SEPTIN9: variants seen among roughly 807,000 people sequenced by gnomAD.
The protein encoded by SEPTIN9 is septin 9.
Under a neutral mutation model 56.6 loss-of-function variants are expected in SEPTIN9, and 13 were observed. The ratio of observed to expected loss-of-function variants is 0.23; its 90% CI spans 0.15 to 0.37. The LOEUF (loss-of-function observed/expected upper bound fraction) is 0.37. Among genes scored for constraint, SEPTIN9 ranks in the 10% least tolerant of loss-of-function variants. The pLI, the probability that SEPTIN9 is intolerant of heterozygous loss-of-function variation, is 1.00. For missense variants in SEPTIN9, 650 were observed against 823.1 expected (o/e 0.79, Z 2.57); for synonymous variants, 332 against 334.1 (o/e 0.99, Z 0.07).
intron 2 of SEPTIN9, among the ~76,000 whole-genome samples, chr17:77,356,665 T>TCCCTCCCCTCC (rs2034254266): frequency 1.9e-5 from 1 of 52,394 alleles, no homozygotes; most frequent in African/African-American, 8.5e-5. Flanking sequence ...CTTCCTGCTT[T>TCCCTCCCCTCC]CCCTCCCCCT....
At chr17:77,430,781 A>G (rs563099353) in intron 3 of SEPTIN9, among the ~76,000 whole-genome samples, 1 of 152,186 alleles carries the variant, frequency 6.6e-6, no homozygotes, top group African/African-American at 2.4e-5. Context: ...CCTTAAGGTC[A>G]GGAGTTCAAG....
rs1313854136 is a variant in SEPTIN9 at position 77,429,070 on chromosome 17, C to CTGCTCCTGGTTGCAGA, written c.721+26369_721+26370insCTCCTGGTTGCAGATG. 2.1e-6 allele frequency: 1 copy of CTGCTCCTGGTTGCAGA among 471,644 alleles called. No homozygotes were observed. The highest frequency in any genetic ancestry group is 4.4e-6 in the Non-Finnish European group (1 of 227,164). The allele number at this position is 471,644 out of a possible 1,614,324, so 29.2% of individuals were successfully genotyped here. A position where few individuals can be genotyped will look rare whatever the true frequency, so the allele number is the denominator to read the frequency against. ...CCCCTGCTCCTGGTTGCAGATGTAC[C>CTGCTCCTGGTTGCAGA]TGTTCTTGGCTATTTGTGCCCCAGC... On this transcript the variant is annotated intron_variant, in intron 3 of 11. Transcript: ENST00000427177. This position sits in a 1 kb window ranked among gnomAD's most constrained non-coding sequence, Gnocchi z 5.2.
intron 3 of SEPTIN9, among the ~76,000 whole-genome samples, chr17:77,415,903 G>A (rs770319918): frequency 1.5e-4 from 23 of 152,262 alleles, no homozygotes; most frequent in Non-Finnish European, 2.9e-4. Flanking sequence ...GAGCAGGGCC[G>A]GCTGGGGCAA....
chr17:77,446,857 C>T (rs1166863940), intron 3 of SEPTIN9: 2 of 167,020 alleles, frequency 1.2e-5, no homozygotes, highest in Non-Finnish European at 2.9e-5. Context: ...AACAAACTGG[C>T]TCAAGGGGAA....
Position 77,482,334 on chromosome 17 carries a change from C to G in SEPTIN9, c.912C>G (p.Val304=), listed in dbSNP as rs187657144. The G allele has an allele frequency of 1.9e-6, 3 of 1,611,562 alleles. No homozygotes were observed. The African/African-American group carries it at 4.0e-5, about 22-fold the overall frequency. The change falls in exon 4 of 12, where the codon GTC becomes GTG. Residue 304 remains valine (V), a splice_region_variant and synonymous_variant. Transcript: ENST00000427177. ...KQGFEFNIMV[V]GQSGLGKSTL... ...GCTTCGAGTTCAACATCATGGTGGT[C>G]GGTGAGTCCTCACCTTGCATGCCAC...
rs2038187032 is a variant in SEPTIN9, at chr17:77,456,032, G to T, written c.722-26112G>T. Among the ~76,000 whole-genome samples the T allele has an allele frequency of 6.6e-6, 1 of 152,228 alleles. No individual in the cohort carries two copies. ...CGCTTCCCATGCGCCACGTGACTAG[G>T]AGGGTCTTGGGGCAGGATGGTGTCT... On this transcript the variant is annotated intron_variant, in intron 3 of 11. Coordinates refer to ENST00000427177, the MANE Select transcript of SEPTIN9 (RefSeq NM_001113491.2). The surrounding 1 kb of genome is among the most constrained non-coding windows in gnomAD (Gnocchi z 6.0).
chr17:77,381,708 T>C (rs1031714826), intron 2 of SEPTIN9, among the ~76,000 whole-genome samples: 1 of 152,224 alleles, frequency 6.6e-6, no homozygotes. Context: ...CTGGAATCCC[T>C]GGTGCAGACT....
intron 3 of SEPTIN9, among the ~76,000 whole-genome samples, chr17:77,465,222 G>T (rs2038662927): frequency 6.6e-6 from 1 of 152,212 alleles, no homozygotes; most frequent in African/African-American, 2.4e-5. Flanking sequence ...AGACCACACT[G>T]TGTATCTCTT....
At chr17:77,411,087 G>GAA (rs34737205) in intron 3 of SEPTIN9, among the ~76,000 whole-genome samples, 4,072 of 132,688 alleles carry the variant, frequency 0.031, 201 homozygotes, top group African/African-American at 0.1. Context: ...TCCCATCTGG[G>GAA]AAAAAAAAAA....
chr17:77,436,893 G>A lies in SEPTIN9; in HGVS notation c.721+34190G>A, dbSNP rs148181170. 3.3e-5 allele frequency among the ~76,000 whole-genome samples: 5 copies of A among 152,370 alleles called. No homozygotes were observed. In the East Asian group the frequency reaches 5.8e-4, roughly 18 times the overall value. On this transcript the variant is annotated intron_variant, in intron 3 of 11. Coordinates refer to ENST00000427177, the MANE Select transcript of SEPTIN9 (RefSeq NM_001113491.2). This position sits in a 1 kb window ranked among gnomAD's most constrained non-coding sequence, Gnocchi z 4.4. The stretch of plus-strand genomic sequence containing the variant: ...AGTGTTTCTCAGGCAGGAGGGTGCC[G>A]AAGCATTGGGAAGCTGGGATTTAGA...
In SEPTIN9 at chr17:77,327,371, T is replaced by A. The variant is rs559915583; in HGVS notation, c.76+20174T>A. On this transcript the variant is annotated intron_variant, in intron 2 of 11. Coordinates refer to ENST00000427177, the MANE Select transcript of SEPTIN9 (RefSeq NM_001113491.2). This position sits in a 1 kb window ranked among gnomAD's most constrained non-coding sequence, Gnocchi z 5.0. ...GGCCAGAGCTTCTGAAGCCGCTCGC[T>A]GTGTGCCCCCGCCTGGCCCCATGCA... is the stretch of plus-strand genomic sequence containing the variant. Among the ~76,000 whole-genome samples, 10 of 152,264 alleles carry A rather than the reference T, an allele frequency of 6.6e-5. No homozygotes were observed. The South Asian group carries it at 1.9e-3, about 28-fold the overall frequency.
At chr17:77,366,024 G>A (rs1291140951) in intron 2 of SEPTIN9, among the ~76,000 whole-genome samples, 1 of 152,094 alleles carries the variant, frequency 6.6e-6, no homozygotes, top group Non-Finnish European at 1.5e-5. Flanking sequence ...AGGACACCAA[G>A]GGCCCCAGGG....
At position 77,492,143 on chromosome 17, in the gene SEPTIN9, G is replaced by T. The variant is rs1351326410; in HGVS notation, c.1381-478G>T. Among the ~76,000 whole-genome samples the T allele has an allele frequency of 2.0e-5, 3 of 152,344 alleles. No homozygotes were observed. The South Asian group carries it at 6.2e-4, about 32-fold the overall frequency. Reference sequence around the variant, plus strand: ...GTGTGTCTGCCGGAGGCTACACACGGGCTGTGGTCTGTGCCTGGGCAGGCG... The same window carrying T: ...GTGTGTCTGCCGGAGGCTACACACGTGCTGTGGTCTGTGCCTGGGCAGGCG... On this transcript the variant is annotated intron_variant, in intron 8 of 11. Transcript: ENST00000427177. This position sits in a 1 kb window ranked among gnomAD's most constrained non-coding sequence, Gnocchi z 5.4.
At chr17:77,370,385 T>A (rs992488613) in intron 2 of SEPTIN9, among the ~76,000 whole-genome samples, 2 of 152,248 alleles carry the variant, frequency 1.3e-5, no homozygotes, top group African/African-American at 4.8e-5. Flanking sequence ...CTCTGTACTT[T>A]CTTTTCTGTC....
chr17:77,312,275 C>T (rs921475701), intron 2 of SEPTIN9, among the ~76,000 whole-genome samples: 21 of 152,176 alleles, frequency 1.4e-4, no homozygotes, highest in Admixed American at 9.2e-4. Context: ...CGATCATTTC[C>T]ATTAGACCTG....
chr17:77,340,548 C>G (rs1169476101), intron 2 of SEPTIN9, among the ~76,000 whole-genome samples: 1 of 152,166 alleles, frequency 6.6e-6, no homozygotes, highest in Non-Finnish European at 1.5e-5. Flanking sequence ...TGGCAGAATT[C>G]TTAAGGGCCC....
intron 3 of SEPTIN9, among the ~76,000 whole-genome samples, chr17:77,426,472 T>C (rs1038386288): frequency 1.2e-4 from 19 of 152,128 alleles, no homozygotes; most frequent in African/African-American, 4.6e-4. Context: ...CTTGGGGCGC[T>C]GACTCATCGT....
At chr17:77,387,181 AC>A (rs2035366190) in intron 2 of SEPTIN9, among the ~76,000 whole-genome samples, 1 of 152,198 alleles carries the variant, frequency 6.6e-6, no homozygotes, top group African/African-American at 2.4e-5. Flanking sequence ...CAAGGTGTCG[AC>A]CAGGCTGATC....
chr17:77,494,155 A>G (rs1051510342), intron 10 of SEPTIN9, among the ~76,000 whole-genome samples: 1 of 152,112 alleles, frequency 6.6e-6, no homozygotes, highest in Non-Finnish European at 1.5e-5. Flanking sequence ...CCATTTGGAG[A>G]TCCTTAATGA....
Sources: allele counts gnomAD v4.1 joint callset (sites outside exome capture counted in the v4.1 genomes callset), GRCh38; gene constraint gnomAD v4.1.1; non-coding constraint Gnocchi (gnomAD v3.1); transcripts MANE v1.5; gene names NCBI Gene and HGNC (gene_info 2026-07-23, HGNC 2026-07-21).